The following ECSCR variants were observed in gnomAD, a reference collection of about 807,000 sequenced individuals.
The protein encoded by ECSCR is endothelial cell surface expressed chemotaxis and apoptosis regulator.
ECSCR carries 12 observed loss-of-function variants against 16.7 expected under a neutral mutation model. The ratio of observed to expected loss-of-function variants is 0.72; its 90% CI spans 0.46 to 1.17. The LOEUF (loss-of-function observed/expected upper bound fraction) is 1.17. ECSCR is among the 50% of genes most tolerant of loss of function. The probability of loss-of-function intolerance (pLI) is 0.00; values close to 1 mark genes in which losing one functional copy is unlikely to be tolerated. For missense variants in ECSCR, 122 were observed against 116.1 expected (o/e 1.05, Z -0.23); for synonymous variants, 44 against 42.2 (o/e 1.04, Z -0.17).
At position 139,449,081 on chromosome 5, in the gene ECSCR, C is replaced by G. The variant is rs1415721583; in HGVS notation, c.606G>C (p.Glu202Asp). The G allele has an allele frequency of 3.9e-6, 6 of 1,536,972 alleles. No individual in the cohort carries two copies. The East Asian group carries it at 1.5e-4, about 38-fold the overall frequency. Residue 202 changes from glutamate (E) to aspartate (D), a missense_variant, in exon 9 of 10, where the codon GAG becomes GAC. Coordinates refer to ENST00000618155, the MANE Select transcript of ECSCR (RefSeq NM_001077693.4). ...GGCAGGAAACAGAAAAATGTACCTT[C>G]TCTGCTGAGAGACTTTGTTTGCCAT... ...MNNGKQSLSA[E>D]KVL
chr5:139,459,431 G>T (rs893224746), intron 1 of ECSCR, among the ~76,000 whole-genome samples: 1 of 152,196 alleles, frequency 6.6e-6, no homozygotes. Flanking sequence ...CCAGAGAGGG[G>T]TCAGTCACCA....
intron 8 of ECSCR, among the ~76,000 whole-genome samples, chr5:139,449,876 C>T (rs36137978): frequency 6.6e-6 from 1 of 151,320 alleles, no homozygotes; most frequent in Non-Finnish European, 1.5e-5. Flanking sequence ...TGTGAGCCAT[C>T]GCATCCGCTA....
At chr5:139,457,443 G>A in intron 4 of ECSCR, 102 bp downstream of exon 4, 1 of 770,006 alleles carries the variant, frequency 1.3e-6, no homozygotes, top group Non-Finnish European at 2.4e-6. Flanking sequence ...TTCCTTGTCT[G>A]TTCCCGCTCG....
chr5:139,457,775 G>C lies in ECSCR; in HGVS notation c.139C>G (p.Pro47Ala), dbSNP rs576391767. The change falls in exon 3 of 10, where the codon CCA becomes GCA. Residue 47 changes from proline (P) to alanine (A), a missense_variant. Pro to Ala is a conservative substitution (Grantham distance 27). Transcript: ENST00000618155. ...CACTCACCTGGGTTGGAAGAAACTG[G>C]CTCTGTGGTCAGACTTAGACCGCCA... ...GLGGLSLTTE[P>A]VSSNPGYIPS... The C allele has an allele frequency of 6.2e-7, 1 of 1,612,434 alleles. No individual in the cohort carries two copies. The highest frequency in any genetic ancestry group is 8.5e-7 in the Non-Finnish European group (1 of 1,179,218).
intron 8 of ECSCR, among the ~76,000 whole-genome samples, chr5:139,450,708 G>A (rs1018024667): frequency 2.6e-5 from 4 of 151,666 alleles, no homozygotes; most frequent in African/African-American, 4.9e-5. Flanking sequence ...CCTGGGAGGC[G>A]GAGGTTGCAG....
At position 139,448,659 on chromosome 5, in the gene ECSCR, G is replaced by C. The variant is rs574242692; in HGVS notation, c.*241C>G. Reference sequence around the variant, plus strand: ...GTCACCTCCTCTTTCCTGTGGCTCTGAGGAGGTGGGAGAAGCAGGCAGTAT... The same window carrying C: ...GTCACCTCCTCTTTCCTGTGGCTCTCAGGAGGTGGGAGAAGCAGGCAGTAT... On this transcript the variant is annotated 3_prime_UTR_variant, in exon 10 of 10. Transcript: ENST00000618155. 332 of 1,246,780 alleles carry C rather than the reference G, an allele frequency of 2.7e-4. 1 individual carries two copies. The highest frequency in any genetic ancestry group is 3.2e-4 in the Non-Finnish European group (306 of 947,720). The allele number at this position is 1,246,780 out of a possible 1,614,324, so 77.2% of individuals were successfully genotyped here.
chr5:139,460,914 C>T (rs1226471283), intron 1 of ECSCR, among the ~76,000 whole-genome samples: 6 of 152,116 alleles, frequency 3.9e-5, no homozygotes, highest in South Asian at 2.1e-4. Context: ...CTGGCTTTGT[C>T]GCTGTCTGAC....
chr5:139,450,347 A>G (rs979894788), intron 8 of ECSCR, among the ~76,000 whole-genome samples: 4 of 152,252 alleles, frequency 2.6e-5, no homozygotes, highest in African/African-American at 9.6e-5. Flanking sequence ...TATTAAAAAA[A>G]TTAAAAATTA....
At chr5:139,450,547 G>A (rs2152087912) in intron 8 of ECSCR, among the ~76,000 whole-genome samples, 1 of 150,720 alleles carries the variant, frequency 6.6e-6, no homozygotes, top group Admixed American at 6.6e-5. Flanking sequence ...GGAGGCTGAG[G>A]TGGGTGGATC....
chr5:139,458,329 T>G lies in ECSCR; in HGVS notation c.62-146A>C, dbSNP rs571868548. Reference sequence around the variant, plus strand: ...AAAAAAATTTTGTTTTGTTTTGTTTTTTTTTTTTTTTTAAATTCTCCAGGC... The same window carrying G: ...AAAAAAATTTTGTTTTGTTTTGTTTGTTTTTTTTTTTTAAATTCTCCAGGC... On this transcript the variant is annotated intron_variant, in intron 1 of 9. Coordinates refer to ENST00000618155, the MANE Select transcript of ECSCR (RefSeq NM_001077693.4). 7.1e-6 allele frequency: 5 copies of G among 704,930 alleles called. No homozygotes were observed. The Admixed American group carries it at 8.7e-5, about 12-fold the overall frequency. The allele number at this position is 704,930 out of a possible 1,614,324, so 43.7% of individuals were successfully genotyped here. A position where few individuals can be genotyped will look rare whatever the true frequency, so the allele number is the denominator to read the frequency against.
intron 5 of ECSCR, among the ~76,000 whole-genome samples, chr5:139,455,705 G>A (rs1009486750): frequency 4.6e-5 from 7 of 151,898 alleles, no homozygotes; most frequent in African/African-American, 1.2e-4. Flanking sequence ...GGCCTGGTGC[G>A]GTGGCTCATG....
At chr5:139,461,821 A>T (rs114666356) in intron 1 of ECSCR, among the ~76,000 whole-genome samples, 2,127 of 152,232 alleles carry the variant, frequency 0.014, 22 homozygotes, top group Non-Finnish European at 0.023. Context: ...TGCTGCTTTG[A>T]GCACAGAGGA....
chr5:139,454,980 C>A (rs1022915304), intron 6 of ECSCR, 57 bp from the exon 7 acceptor site: 39 of 398,694 alleles, frequency 9.8e-5, no homozygotes, highest in Admixed American at 2.2e-4. Context: ...AAGGGGCCAA[C>A]AAGAGTCCGG....
At chr5:139,451,692 G>A (rs906753578) in intron 8 of ECSCR, among the ~76,000 whole-genome samples, 3 of 129,086 alleles carry the variant, frequency 2.3e-5, no homozygotes, top group Non-Finnish European at 4.9e-5. Flanking sequence ...GGTGTGTGAT[G>A]TGGGTATGCG....
chr5:139,459,425 A>G (rs1751243688), intron 1 of ECSCR, among the ~76,000 whole-genome samples: 1 of 152,190 alleles, frequency 6.6e-6, no homozygotes. Flanking sequence ...CCAAACCCAG[A>G]GAGGGGTCAG....
chr5:139,462,549 A>C, intron 1 of ECSCR, 61 bp downstream of exon 1: 5 of 1,502,256 alleles, frequency 3.3e-6, no homozygotes, highest in Middle Eastern at 3.4e-4. Context: ...AAAGAGACCG[A>C]TGCCTAGAAT....
At chr5:139,455,547 G>A in intron 5 of ECSCR, 111 bp from the exon 6 acceptor site, 1 of 388,476 alleles carries the variant, frequency 2.6e-6, no homozygotes. Context: ...ATGCTGCAGA[G>A]CTAGGAGGTC....
At position 139,448,737 on chromosome 5, in the gene ECSCR, C is replaced by T; in HGVS notation, c.*163G>A. Reference sequence around the variant, plus strand: ...GAGTCTCCCCTGTTGGTAGCTTGCTCCCAGATCTGGGGCAATGCTAGTGTC... The same window carrying T: ...GAGTCTCCCCTGTTGGTAGCTTGCTTCCAGATCTGGGGCAATGCTAGTGTC... On this transcript the variant is annotated 3_prime_UTR_variant, in exon 10 of 10. Transcript: ENST00000618155. 6 of 1,441,102 alleles carry T rather than the reference C, an allele frequency of 4.2e-6. No homozygotes were observed. Among genetic ancestry groups the T allele is most frequent in the Non-Finnish European group, 5.4e-6 (6 of 1,102,882 alleles). The allele number at this position is 1,441,102 out of a possible 1,614,324, so 89.3% of individuals were successfully genotyped here.
At chr5:139,460,281 G>A (rs370640995) in intron 1 of ECSCR, among the ~76,000 whole-genome samples, 2 of 151,954 alleles carry the variant, frequency 1.3e-5, no homozygotes, top group Non-Finnish European at 2.9e-5. Flanking sequence ...GATTACAGGC[G>A]CCTGCCACCA....
Sources: gnomAD v4.1 joint callset for allele counts (sites outside exome capture counted in the v4.1 genomes callset) on GRCh38, gnomAD v4.1.1 for gene constraint, MANE v1.5 for transcripts, NCBI Gene and HGNC (gene_info 2026-07-23, HGNC 2026-07-21) for gene names.